The following OPCML variants were observed in gnomAD, a reference collection of about 807,000 sequenced individuals.
OPCML encodes opioid-binding protein/cell adhesion molecule.
In OPCML, 13 loss-of-function variants were observed where a neutral mutation model predicts 37.8. The observed-to-expected ratio is 0.34, with a 90% CI of 0.22 to 0.55. The LOEUF (loss-of-function observed/expected upper bound fraction) is 0.55, where lower values mean the gene tolerates loss of function less well. Among genes scored for constraint, OPCML ranks in the 20% least tolerant of loss-of-function variants. The probability of loss-of-function intolerance (pLI) is 0.91; values close to 1 mark genes in which losing one functional copy is unlikely to be tolerated. For synonymous variants in OPCML, 176 were observed against 168.8 expected, an observed-to-expected ratio of 1.04 and a Z score of -0.33; for missense variants, 341 against 435.6, an observed-to-expected ratio of 0.78 and a Z score of 1.93.
At chr11:133,087,377 G>C (rs558209838) in intron 1 of OPCML, among the ~76,000 whole-genome samples, 6 of 152,262 alleles carry the variant, frequency 3.9e-5, no homozygotes, top group Admixed American at 1.3e-4. Flanking sequence ...GAGCACAAAT[G>C]ACCCAGTCAC....
At chr11:133,238,318 C>T (rs1314837595) in intron 1 of OPCML, among the ~76,000 whole-genome samples, 1 of 152,174 alleles carries the variant, frequency 6.6e-6, no homozygotes, top group Non-Finnish European at 1.5e-5. Flanking sequence ...CTGAGATGTA[C>T]TCTATGTGTA....
chr11:133,159,865 C>G (rs1043325371), intron 1 of OPCML, among the ~76,000 whole-genome samples: 4 of 152,194 alleles, frequency 2.6e-5, no homozygotes, highest in African/African-American at 9.7e-5. Context: ...CAGGGCTTCA[C>G]CTCTCTGAGG....
intron 2 of OPCML, among the ~76,000 whole-genome samples, chr11:132,693,639 T>G (rs1006909025): frequency 2.6e-5 from 4 of 152,226 alleles, no homozygotes; most frequent in African/African-American, 9.6e-5. Context: ...ATTACCTGGG[T>G]AAGCAATCAG....
chr11:133,524,041 G>A (rs1355143431), intron 1 of OPCML, among the ~76,000 whole-genome samples: 1 of 152,184 alleles, frequency 6.6e-6, no homozygotes, highest in Non-Finnish European at 1.5e-5. Flanking sequence ...TGGACTGTAA[G>A]CTTCATGAGA....
chr11:133,299,180 T>A (rs1378644859), intron 1 of OPCML: 2 of 152,232 alleles, frequency 1.3e-5, no homozygotes, highest in Non-Finnish European at 2.9e-5. Flanking sequence ...TGTTTCTACC[T>A]GGGTGATGGC....
intron 1 of OPCML, among the ~76,000 whole-genome samples, chr11:133,203,519 A>T (rs1045624094): frequency 2.0e-5 from 3 of 152,136 alleles, no homozygotes; most frequent in African/African-American, 4.8e-5. Flanking sequence ...TTGACACAGG[A>T]CTTTTCTATC....
intron 1 of OPCML, among the ~76,000 whole-genome samples, chr11:133,161,985 C>CTGTTTT (rs1950148083): frequency 1.2e-5 from 1 of 85,482 alleles, no homozygotes; most frequent in African/African-American, 4.6e-5. Flanking sequence ...CAGTCTCTGT[C>CTGTTTT]TTTTTTTTTT....
chr11:132,656,277 G>C (rs572988135), intron 3 of OPCML, among the ~76,000 whole-genome samples: 42 of 152,192 alleles, frequency 2.8e-4, no homozygotes, highest in African/African-American at 8.9e-4. Flanking sequence ...TCAAATTCTT[G>C]GAACTGCTAT....
intron 3 of OPCML, among the ~76,000 whole-genome samples, chr11:132,571,392 C>T (rs2096438106): frequency 1.3e-5 from 2 of 152,162 alleles, no homozygotes; most frequent in Admixed American, 6.5e-5. Flanking sequence ...TTCATATACA[C>T]ATATATCCTA....
At chr11:132,556,769 C>T (rs975272997) in intron 3 of OPCML, among the ~76,000 whole-genome samples, 1 of 152,174 alleles carries the variant, frequency 6.6e-6, no homozygotes, top group African/African-American at 2.4e-5. Context: ...GCTGTTATAG[C>T]CTCCACTTCC....
chr11:132,434,256 A>G (rs2096006317), intron 7 of OPCML, among the ~76,000 whole-genome samples: 1 of 152,148 alleles, frequency 6.6e-6, no homozygotes, highest in African/African-American at 2.4e-5. Context: ...AAGAGCTGTG[A>G]GCAGTGATAG....
At chr11:133,111,820 C>A (rs1044490336) in intron 1 of OPCML, among the ~76,000 whole-genome samples, 13 of 152,162 alleles carry the variant, frequency 8.5e-5, no homozygotes, top group African/African-American at 2.9e-4. Context: ...TAGGGAATTG[C>A]ACTGAGATTT....
intron 1 of OPCML, among the ~76,000 whole-genome samples, chr11:133,397,549 G>A (rs1411156371): frequency 3.3e-5 from 5 of 152,226 alleles, no homozygotes; most frequent in Admixed American, 6.5e-5. Flanking sequence ...GAGAGGGAAT[G>A]TCCCAGGTAC....
intron 1 of OPCML, among the ~76,000 whole-genome samples, chr11:133,504,076 T>C (rs1258970564): frequency 8.5e-5 from 13 of 152,152 alleles, no homozygotes. Flanking sequence ...ATCAGCACTC[T>C]GCGGAGACTT....
chr11:132,512,605 T>C (rs1391852463), intron 4 of OPCML, among the ~76,000 whole-genome samples: 2 of 152,006 alleles, frequency 1.3e-5, no homozygotes, highest in Admixed American at 6.6e-5. Context: ...TCTAAAATTA[T>C]ACAAGATTTT....
intron 1 of OPCML, among the ~76,000 whole-genome samples, chr11:133,001,067 T>A (rs779686766): frequency 3.3e-5 from 5 of 152,228 alleles, no homozygotes; most frequent in African/African-American, 9.6e-5. Context: ...CCATGCTTCC[T>A]GTACAGTCTG....
chr11:133,490,362 T>A (rs921025512), intron 1 of OPCML, among the ~76,000 whole-genome samples: 1 of 152,232 alleles, frequency 6.6e-6, no homozygotes, highest in Non-Finnish European at 1.5e-5. Flanking sequence ...GTATTTTACA[T>A]GCAGATATAC....
At chr11:133,006,113 G>A (rs1409266845) in intron 1 of OPCML, 1 of 985,288 alleles carries the variant, frequency 1.0e-6, no homozygotes, top group African/African-American at 1.7e-5. Flanking sequence ...TGGGGTCATT[G>A]TGAGACAGCC....
At chr11:133,223,827 T>C (rs1365276698) in intron 1 of OPCML, among the ~76,000 whole-genome samples, 1 of 152,246 alleles carries the variant, frequency 6.6e-6, no homozygotes. Context: ...TGCCATTTTA[T>C]TTTTGAAGGC....
Sources: allele counts gnomAD v4.1 joint callset (sites outside exome capture counted in the v4.1 genomes callset), GRCh38; gene constraint gnomAD v4.1.1; transcripts MANE v1.5; gene names NCBI Gene and HGNC (gene_info 2026-07-23, HGNC 2026-07-21).